Variants in PDLIM5 observed in about 807,000 individuals in gnomAD.
The protein encoded by PDLIM5 is PDZ and LIM domain protein 5.
Under a neutral mutation model 64.2 loss-of-function variants are expected in PDLIM5, and 34 were observed. That is an observed-to-expected ratio of 0.53 (90% CI 0.40 to 0.71). PDLIM5 has a LOEUF of 0.71. Ranked by LOEUF, PDLIM5 falls within the 30% of genes least tolerant of loss-of-function variation. PDLIM5 has a pLI of 0.00. For missense variants in PDLIM5, 683 were observed against 733.6 expected, an observed-to-expected ratio of 0.93 and a Z score of 0.80; for synonymous variants, 253 against 269.1, an observed-to-expected ratio of 0.94 and a Z score of 0.59.
At chr4:94,498,135 T>C (rs570010992) in intron 2 of PDLIM5, among the ~76,000 whole-genome samples, 2 of 152,326 alleles carry the variant, frequency 1.3e-5, no homozygotes, top group South Asian at 4.1e-4. Flanking sequence ...CAAGTATTTG[T>C]GCTTTAAGAA....
chr4:94,535,563 GCC>G (rs909667937), intron 3 of PDLIM5, among the ~76,000 whole-genome samples: 1 of 152,088 alleles, frequency 6.6e-6, no homozygotes, highest in African/African-American at 2.4e-5. Flanking sequence ...TTCACCTGTA[GCC>G]ACCTGTTCAT....
chr4:94,529,639 TTTTC>T (rs1375649396), intron 3 of PDLIM5, among the ~76,000 whole-genome samples: 2 of 152,154 alleles, frequency 1.3e-5, no homozygotes, highest in African/African-American at 2.4e-5. Flanking sequence ...AGCAAACACA[TTTTC>T]TTTCTATGAC....
At chr4:94,644,769 C>T (rs1472860692) in intron 9 of PDLIM5, among the ~76,000 whole-genome samples, 1 of 152,052 alleles carries the variant, frequency 6.6e-6, no homozygotes, top group Non-Finnish European at 1.5e-5. Context: ...TCTTGATCTC[C>T]TGACCTCATG....
chr4:94,462,278 G>A (rs1436659225), intron 2 of PDLIM5, among the ~76,000 whole-genome samples: 1 of 152,128 alleles, frequency 6.6e-6, no homozygotes, highest in Non-Finnish European at 1.5e-5. Context: ...GAAGCCACCT[G>A]TGTTAGTAGT....
intron 2 of PDLIM5, among the ~76,000 whole-genome samples, chr4:94,499,853 A>G (rs1727752556): frequency 2.6e-5 from 4 of 152,332 alleles, no homozygotes; most frequent in Non-Finnish European, 1.5e-5. Flanking sequence ...TGCACGTGCA[A>G]GGGATCTGGG....
At chr4:94,512,421 A>G (rs1728971054) in intron 2 of PDLIM5, among the ~76,000 whole-genome samples, 2 of 152,038 alleles carry the variant, frequency 1.3e-5, no homozygotes, top group Non-Finnish European at 1.5e-5. Context: ...CTTTTCTCCA[A>G]ATCCTTGCCA....
chr4:94,563,463 G>A (rs1376630070), intron 3 of PDLIM5, among the ~76,000 whole-genome samples: 1 of 152,138 alleles, frequency 6.6e-6, no homozygotes, highest in African/African-American at 2.4e-5. Context: ...ACTGGAAAAA[G>A]CTAAGTTGAG....
At chr4:94,589,694 A>G (rs1336606243) in intron 7 of PDLIM5, among the ~76,000 whole-genome samples, 1 of 151,462 alleles carries the variant, frequency 6.6e-6, no homozygotes. Flanking sequence ...TGCTCTTAAG[A>G]ATGTTTTCAA....
chr4:94,474,843 G>T (rs1725185743), intron 2 of PDLIM5, among the ~76,000 whole-genome samples: 1 of 151,980 alleles, frequency 6.6e-6, no homozygotes, highest in African/African-American at 2.4e-5. Flanking sequence ...GTAGAGGTGG[G>T]GTCTTGCCAT....
intron 9 of PDLIM5, among the ~76,000 whole-genome samples, chr4:94,646,614 G>A (rs1741432904): frequency 6.6e-6 from 1 of 152,048 alleles, no homozygotes; most frequent in South Asian, 2.1e-4. Flanking sequence ...TTACATCAGT[G>A]CAAAAAGGAG....
intron 3 of PDLIM5, among the ~76,000 whole-genome samples, chr4:94,555,487 G>A (rs998273677): frequency 2.6e-5 from 4 of 152,158 alleles, no homozygotes; most frequent in African/African-American, 4.8e-5. Context: ...TTTGTCAAAT[G>A]TTATTTCATT....
At chr4:94,458,974 G>A (rs11935084) in intron 2 of PDLIM5, among the ~76,000 whole-genome samples, 4 of 152,052 alleles carry the variant, frequency 2.6e-5, no homozygotes, top group Non-Finnish European at 4.4e-5. Flanking sequence ...AATGGAGTGC[G>A]GGCTACCTAA....
At chr4:94,607,798 T>G (rs1413440893) in intron 7 of PDLIM5, among the ~76,000 whole-genome samples, 1 of 152,176 alleles carries the variant, frequency 6.6e-6, no homozygotes, top group Non-Finnish European at 1.5e-5. Context: ...AATTTCCACC[T>G]CCTTTTCCCC....
chr4:94,455,582 T>C (rs1311344795), intron 2 of PDLIM5, 198 bp downstream of exon 2: 1 of 633,660 alleles, frequency 1.6e-6, no homozygotes, highest in Non-Finnish European at 2.7e-6. Context: ...TTTAACTTCT[T>C]TTCGTTTTCC....
intron 2 of PDLIM5, among the ~76,000 whole-genome samples, chr4:94,491,481 C>A (rs1380459233): frequency 6.6e-6 from 1 of 152,000 alleles, no homozygotes; most frequent in Non-Finnish European, 1.5e-5. Flanking sequence ...TCTTTTAGGG[C>A]CTTGTTAACT....
At chr4:94,515,622 G>A (rs913883406) in intron 2 of PDLIM5, among the ~76,000 whole-genome samples, 1 of 152,092 alleles carries the variant, frequency 6.6e-6, no homozygotes. Context: ...GGTTATAGAC[G>A]CCTTTGAGGA....
chr4:94,500,860 T>C (rs1435118822), intron 2 of PDLIM5, among the ~76,000 whole-genome samples: 4 of 152,118 alleles, frequency 2.6e-5, no homozygotes, highest in East Asian at 1.9e-4. Context: ...CTTGGCTCAC[T>C]GCACCCTCCA....
chr4:94,618,001 C>T lies in PDLIM5; in HGVS notation c.921-3C>T. The T allele has an allele frequency of 6.6e-7, 1 of 1,520,620 alleles. No individual in the cohort carries two copies. The highest frequency in any genetic ancestry group is 8.9e-7 in the Non-Finnish European group (1 of 1,129,246). The allele number at this position is 1,520,620 out of a possible 1,614,324, so 94.2% of individuals were successfully genotyped here. ...CAAAGATGTTTCTTTATTTCCTTTA[C>T]AGTAACTCTCAGGAGCCTTCTCCGC... On this transcript the variant is annotated splice_region_variant and splice_polypyrimidine_tract_variant and intron_variant, in intron 7 of 12. Coordinates refer to ENST00000317968, the MANE Select transcript of PDLIM5 (RefSeq NM_006457.5).
chr4:94,470,961 T>TA (rs1195327691), intron 2 of PDLIM5, among the ~76,000 whole-genome samples: 5 of 152,170 alleles, frequency 3.3e-5, no homozygotes. Context: ...AGTCACATCT[T>TA]ACATGGCGAC....
Sources: allele counts gnomAD v4.1 joint callset (sites outside exome capture counted in the v4.1 genomes callset), GRCh38; gene constraint gnomAD v4.1.1; transcripts MANE v1.5; gene names NCBI Gene and HGNC (gene_info 2026-07-23, HGNC 2026-07-21).